TSPAN3: variants seen among roughly 807,000 people sequenced by gnomAD.
The protein encoded by TSPAN3 is tetraspanin-3.
A neutral mutation model predicts 31.1 loss-of-function variants in TSPAN3; 9 were observed. The ratio of observed to expected loss-of-function variants is 0.29; its 90% CI spans 0.17 to 0.50. The LOEUF (loss-of-function observed/expected upper bound fraction) is 0.50, where lower values mean the gene tolerates loss of function less well. Among genes scored for constraint, TSPAN3 ranks in the 20% least tolerant of loss-of-function variants. The pLI, the probability that TSPAN3 is intolerant of heterozygous loss-of-function variation, is 0.98. For missense variants in TSPAN3, 252 were observed against 313.5 expected (o/e 0.80, Z 1.48); for synonymous variants, 129 against 114.3 (o/e 1.13, Z -0.82).
chr15:77,054,796 G>C (rs2076757590), intron 3 of TSPAN3: 1 of 152,254 alleles, frequency 6.6e-6, no homozygotes, highest in Non-Finnish European at 1.5e-5. Context: ...CTTAGAAATG[G>C]CACTTTATGA....
At chr15:77,070,071 G>A (rs575292873) in intron 1 of TSPAN3, 1 of 151,946 alleles carries the variant, frequency 6.6e-6, no homozygotes, top group South Asian at 2.1e-4. Context: ...GGAGGGTGGA[G>A]AGACGGATAG....
At chr15:77,058,514 TTGG>T (rs1386472563) in intron 1 of TSPAN3, among the ~76,000 whole-genome samples, 3 of 152,236 alleles carry the variant, frequency 2.0e-5, no homozygotes, top group Non-Finnish European at 4.4e-5. Context: ...TTAGCTGCCC[TTGG>T]TGGACACAAA....
intron 1 of TSPAN3, among the ~76,000 whole-genome samples, chr15:77,066,209 C>T (rs1265576037): frequency 6.6e-6 from 1 of 152,144 alleles, no homozygotes; most frequent in Non-Finnish European, 1.5e-5. Flanking sequence ...AAATGACTTA[C>T]CAAACTAAAA....
At chr15:77,068,391 A>G (rs2076846519) in intron 1 of TSPAN3, 1 of 152,254 alleles carries the variant, frequency 6.6e-6, no homozygotes, top group African/African-American at 2.4e-5. Flanking sequence ...TATTTACACA[A>G]TATCCAAAGA....
At chr15:77,053,677 A>G (rs1031874424) in intron 4 of TSPAN3, among the ~76,000 whole-genome samples, 1 of 152,142 alleles carries the variant, frequency 6.6e-6, no homozygotes, top group Non-Finnish European at 1.5e-5. Context: ...AGTAGGGGCA[A>G]TAAGACTGAC....
Position 77,071,011 on chromosome 15 carries a change from AGCGGCAAT to A in TSPAN3, c.-65_-58del, listed in dbSNP as rs2076866242. On this transcript the variant is annotated 5_prime_UTR_variant, in exon 1 of 7. Coordinates refer to ENST00000267970, the MANE Select transcript of TSPAN3 (RefSeq NM_005724.6). Reference sequence around the variant, plus strand: ...AGAGCGGGGCTGCGCTCACCGAGAGAGCGGCAATGGCGGCGGCGCCTCCTCGCTAGGAA... The same window carrying A: ...AGAGCGGGGCTGCGCTCACCGAGAGAGGCGGCGGCGCCTCCTCGCTAGGAA... 1 of 1,275,858 alleles carries A rather than the reference AGCGGCAAT, an allele frequency of 7.8e-7. No individual in the cohort carries two copies. Among genetic ancestry groups the A allele is most frequent in the Non-Finnish European group, 1.0e-6 (1 of 982,768 alleles). The allele number at this position is 1,275,858 out of a possible 1,614,324, so 79.0% of individuals were successfully genotyped here.
chr15:77,069,541 T>C (rs1419081993), intron 1 of TSPAN3, among the ~76,000 whole-genome samples: 3 of 152,216 alleles, frequency 2.0e-5, no homozygotes, highest in Non-Finnish European at 2.9e-5. Context: ...GAAATGCCAA[T>C]GTCGCCTGGG....
chr15:77,056,386 C>CT, intron 1 of TSPAN3, 131 bp from the exon 2 acceptor site: 1 of 626,040 alleles, frequency 1.6e-6, no homozygotes, highest in Non-Finnish European at 2.5e-6. Flanking sequence ...GCTGAAAATT[C>CT]TATGATTCCT....
chr15:77,046,783 A>G lies in TSPAN3; in HGVS notation c.*52T>C. The G allele has an allele frequency of 7.1e-7, 1 of 1,401,846 alleles. No homozygotes were observed. The allele number at this position is 1,401,846 out of a possible 1,614,324, so 86.8% of individuals were successfully genotyped here. ...AGGCCAACAGCAGCAGACCTGCTCAATTCACCTTCCAAATCAGAACAAGAC... is the reference window on the plus strand; with the variant it reads ...AGGCCAACAGCAGCAGACCTGCTCAGTTCACCTTCCAAATCAGAACAAGAC... On this transcript the variant is annotated 3_prime_UTR_variant, in exon 7 of 7. Transcript: ENST00000267970.
intron 1 of TSPAN3, among the ~76,000 whole-genome samples, chr15:77,057,773 G>A (rs76194133): frequency 6.6e-6 from 1 of 151,916 alleles, no homozygotes; most frequent in South Asian, 2.1e-4. Context: ...CATTCTCTGG[G>A]CTCTCCGTGG....
intron 2 of TSPAN3, 37 bp from the exon 3 acceptor site, chr15:77,055,900 A>G (rs1421180107): frequency 6.4e-7 from 1 of 1,570,976 alleles, no homozygotes; most frequent in Non-Finnish European, 8.6e-7. Flanking sequence ...TATACAAATG[A>G]AAAAATAACT....
At position 77,049,824 on chromosome 15, in the gene TSPAN3, C is replaced by T. The variant is rs1043519180; in HGVS notation, c.669+2561G>A. 2.0e-5 allele frequency among the ~76,000 whole-genome samples: 3 copies of T among 152,166 alleles called. No homozygotes were observed. In the South Asian group the frequency reaches 6.2e-4, roughly 32 times the overall value. On this transcript the variant is annotated intron_variant, in intron 6 of 6. Transcript: ENST00000267970. ...CAAAAATCAATCAATATTGTAACTACTCAACTCTGCCATCTTACCTCTGTA... is the reference window on the plus strand; with the variant it reads ...CAAAAATCAATCAATATTGTAACTATTCAACTCTGCCATCTTACCTCTGTA...
intron 6 of TSPAN3, among the ~76,000 whole-genome samples, chr15:77,049,449 C>T (rs1360565976): frequency 6.6e-6 from 1 of 152,160 alleles, no homozygotes; most frequent in East Asian, 1.9e-4. Flanking sequence ...CAGCCTTACT[C>T]ACAGCAGATA....
rs948197819 is a variant in TSPAN3, at chr15:77,043,101, G to A, written c.*3734C>T. 8 of 152,366 alleles carry A rather than the reference G, an allele frequency of 5.3e-5. No homozygotes were observed. The highest frequency in any genetic ancestry group is 8.8e-5 in the Non-Finnish European group (6 of 68,254). The allele number at this position is 152,366 out of a possible 1,614,324, so 9.4% of individuals were successfully genotyped here. On this transcript the variant is annotated 3_prime_UTR_variant, in exon 7 of 7. Transcript: ENST00000267970. Reference sequence around the variant, plus strand: ...ACGGGTCCCAGCAGCATTCCCCACCGTGACAGCTCTCTGCTCCTGTGGCTT... The same window carrying A: ...ACGGGTCCCAGCAGCATTCCCCACCATGACAGCTCTCTGCTCCTGTGGCTT...
chr15:77,054,835 A>C (rs2152696209), intron 3 of TSPAN3: 1 of 152,444 alleles, frequency 6.6e-6, no homozygotes, highest in East Asian at 1.9e-4. Context: ...TATTGCAAAA[A>C]GGAGACAGGA....
At chr15:77,053,073 T>C (rs530411274) in intron 4 of TSPAN3, 144 bp from the exon 5 acceptor site, 10 of 743,262 alleles carry the variant, frequency 1.3e-5, no homozygotes, top group Non-Finnish European at 2.1e-5. Context: ...TGATCCAATA[T>C]AGCAGCCACT....
At chr15:77,053,052 G>T in intron 4 of TSPAN3, 123 bp from the exon 5 acceptor site, 1 of 978,752 alleles carries the variant, frequency 1.0e-6, no homozygotes, top group Non-Finnish European at 1.5e-6. Context: ...TTCTATAATG[G>T]AAAGTCTGCA....
In TSPAN3 at chr15:77,046,634, T is replaced by C. The variant is rs962450097; in HGVS notation, c.*201A>G. 2 of 562,290 alleles carry C rather than the reference T, an allele frequency of 3.6e-6. No individual in the cohort carries two copies. Among genetic ancestry groups the C allele is most frequent in the Non-Finnish European group, 6.3e-6 (2 of 318,110 alleles). 34.8% of individuals were successfully genotyped at this position (562,290 alleles called of 1,614,324 possible). A position where few individuals can be genotyped will look rare whatever the true frequency, so the allele number is the denominator to read the frequency against. On this transcript the variant is annotated 3_prime_UTR_variant, in exon 7 of 7. Coordinates refer to ENST00000267970, the MANE Select transcript of TSPAN3 (RefSeq NM_005724.6). ...CATCGTACTTAAAATCTTAGGGGCA[T>C]GAAGAGTCAGCTAGAACAAGGAAAA...
intron 1 of TSPAN3, among the ~76,000 whole-genome samples, chr15:77,060,080 T>TA (rs1165271633): frequency 1.3e-5 from 2 of 152,214 alleles, no homozygotes; most frequent in African/African-American, 2.4e-5. Flanking sequence ...TCTTTTCTGA[T>TA]AGACTCTACA....
Sources: gnomAD v4.1 joint callset for allele counts (sites outside exome capture counted in the v4.1 genomes callset) on GRCh38, gnomAD v4.1.1 for gene constraint, MANE v1.5 for transcripts, NCBI Gene and HGNC (gene_info 2026-07-23, HGNC 2026-07-21) for gene names.